ARL15: variants seen among roughly 807,000 people sequenced by gnomAD.
ARL15 encodes ADP-ribosylation factor-like protein 15.
A neutral mutation model predicts 25.2 loss-of-function variants in ARL15; 19 were observed. The observed-to-expected ratio is 0.75, with a 90% confidence interval of 0.53 to 1.10. The LOEUF (loss-of-function observed/expected upper bound fraction) is 1.10. ARL15 is among the 50% of genes least tolerant of loss of function. The pLI is 0.00. For synonymous variants in ARL15, 94 were observed against 86.8 expected (o/e 1.08, Z -0.46); for missense variants, 220 against 246.0 (o/e 0.89, Z 0.71).
At chr5:54,238,206 T>C (rs1756861612) in intron 1 of ARL15, among the ~76,000 whole-genome samples, 1 of 152,106 alleles carries the variant, frequency 6.6e-6, no homozygotes, top group South Asian at 2.1e-4. Flanking sequence ...ACCCAGTCAC[T>C]TAATTTTTCA....
chr5:53,916,731 T>A (rs556861621), intron 4 of ARL15, among the ~76,000 whole-genome samples: 2 of 152,064 alleles, frequency 1.3e-5, no homozygotes, highest in African/African-American at 4.8e-5. Context: ...AGATGATTGA[T>A]ACAGCCTCCA....
At chr5:54,224,656 G>C (rs146257404) in intron 1 of ARL15, among the ~76,000 whole-genome samples, 212 of 152,274 alleles carry the variant, frequency 1.4e-3, no homozygotes, top group African/African-American at 4.9e-3. Flanking sequence ...GTGTAAAAAT[G>C]ATAGTTGTCA....
chr5:54,228,134 G>A (rs1299325813), intron 1 of ARL15, among the ~76,000 whole-genome samples: 1 of 152,122 alleles, frequency 6.6e-6, no homozygotes, highest in Non-Finnish European at 1.5e-5. Flanking sequence ...AAGGTCACCT[G>A]GTGCCAAACA....
rs533072499 is a variant in ARL15 at position 54,022,097 on chromosome 5, CAG to C, written c.462+91103_462+91104del. 1.1e-3 allele frequency among the ~76,000 whole-genome samples: 169 copies of C among 152,132 alleles called. 1 individual carries two copies. Among genetic ancestry groups the C allele is most frequent in the African/African-American group, 4.0e-3 (165 of 41,504 alleles). On this transcript the variant is annotated intron_variant, in intron 4 of 4. Coordinates refer to ENST00000504924, the MANE Select transcript of ARL15 (RefSeq NM_019087.3). ...AGACATACTCAGACGAAGGGAAACTCAGAGAATTTGTCACTGGCAGACCTACC... is the reference window on the plus strand; with the variant it reads ...AGACATACTCAGACGAAGGGAAACTCAGAATTTGTCACTGGCAGACCTACC...
chr5:53,909,949 C>T (rs769281003), intron 4 of ARL15, among the ~76,000 whole-genome samples: 2 of 152,212 alleles, frequency 1.3e-5, no homozygotes, highest in African/African-American at 2.4e-5. Context: ...AATATAGTTG[C>T]TTTTTAACCA....
At chr5:53,968,863 T>TA (rs1747649571) in intron 4 of ARL15, among the ~76,000 whole-genome samples, 1 of 151,734 alleles carries the variant, frequency 6.6e-6, no homozygotes, top group Admixed American at 6.6e-5. Flanking sequence ...TTATATCTTT[T>TA]AAAATACGCA....
chr5:54,143,669 T>C (rs1022167706), intron 3 of ARL15, among the ~76,000 whole-genome samples: 3 of 152,074 alleles, frequency 2.0e-5, no homozygotes, highest in Non-Finnish European at 4.4e-5. Flanking sequence ...TCAAATATTC[T>C]TTGCTTTTTG....
chr5:54,211,573 C>T (rs570874045), intron 1 of ARL15, among the ~76,000 whole-genome samples: 13 of 147,096 alleles, frequency 8.8e-5, no homozygotes, highest in East Asian at 2.0e-4. Context: ...CAGGTTCAAG[C>T]GATTCTCCTG....
chr5:53,962,420 T>G (rs1026338448), intron 4 of ARL15, among the ~76,000 whole-genome samples: 1 of 152,162 alleles, frequency 6.6e-6, no homozygotes, highest in African/African-American at 2.4e-5. Flanking sequence ...TCATAGTCAT[T>G]GCTATAGAAT....
intron 4 of ARL15, among the ~76,000 whole-genome samples, chr5:53,923,517 C>T (rs551737468): frequency 4.0e-4 from 61 of 152,176 alleles, no homozygotes; most frequent in African/African-American, 1.4e-3. Flanking sequence ...TTGTCAAATG[C>T]ACAAAGCTTT....
chr5:54,196,735 A>T (rs1288510099), intron 1 of ARL15, among the ~76,000 whole-genome samples: 1 of 152,132 alleles, frequency 6.6e-6, no homozygotes, highest in Admixed American at 6.6e-5. Flanking sequence ...TTAATTATTA[A>T]AATATAAAAC....
chr5:54,172,158 C>G (rs1164102260), intron 1 of ARL15, among the ~76,000 whole-genome samples: 1 of 152,132 alleles, frequency 6.6e-6, no homozygotes, highest in Non-Finnish European at 1.5e-5. Flanking sequence ...GCCTCCCTTC[C>G]TGCTATGGCA....
At chr5:53,939,352 G>A (rs1161245878) in intron 4 of ARL15, among the ~76,000 whole-genome samples, 1 of 152,088 alleles carries the variant, frequency 6.6e-6, no homozygotes, top group Non-Finnish European at 1.5e-5. Flanking sequence ...TGACATTACT[G>A]TTTGTTATAA....
intron 4 of ARL15, among the ~76,000 whole-genome samples, chr5:53,979,363 T>C (rs1343518519): frequency 1.3e-5 from 2 of 151,906 alleles, no homozygotes; most frequent in Non-Finnish European, 2.9e-5. Context: ...TGAGACCTCA[T>C]CTCTACAAAA....
chr5:54,113,021 A>G, intron 4 of ARL15, 181 bp downstream of exon 4: 1 of 595,686 alleles, frequency 1.7e-6, no homozygotes, highest in Non-Finnish European at 2.9e-6. Flanking sequence ...AAGTAGGGTT[A>G]GGTATGTAAA....
chr5:54,230,784 T>C (rs1203662868), intron 1 of ARL15, among the ~76,000 whole-genome samples: 1 of 152,212 alleles, frequency 6.6e-6, no homozygotes, highest in Non-Finnish European at 1.5e-5. Flanking sequence ...GATCCCAGTA[T>C]AATAAATTAC....
chr5:54,300,236 G>A (rs1329849897), intron 1 of ARL15, among the ~76,000 whole-genome samples: 2 of 152,178 alleles, frequency 1.3e-5, no homozygotes, highest in Non-Finnish European at 2.9e-5. Context: ...TGAGGATTGG[G>A]TAGAAAAGAC....
At chr5:53,931,785 C>A (rs1746202215) in intron 4 of ARL15, among the ~76,000 whole-genome samples, 1 of 152,188 alleles carries the variant, frequency 6.6e-6, no homozygotes, top group African/African-American at 2.4e-5. Flanking sequence ...TTACTTTAGC[C>A]CACAAGCCTC....
Position 54,163,355 on chromosome 5 carries a change from G to GTTTTTTTTTTTTTTTTTTTTTTTT in ARL15, c.193+8428_193+8429insAAAAAAAAAAAAAAAAAAAAAAAA, listed in dbSNP as rs1754465268. Among the ~76,000 whole-genome samples, 126 of 51,340 alleles carry GTTTTTTTTTTTTTTTTTTTTTTTT rather than the reference G, an allele frequency of 2.5e-3. 54 individuals carry two copies. Among genetic ancestry groups the GTTTTTTTTTTTTTTTTTTTTTTTT allele is most frequent in the Middle Eastern group, 0.022 (2 of 90 alleles). The allele number at this position is 51,340 out of a possible 152,430, so 33.7% of individuals were successfully genotyped here. A position where few individuals can be genotyped will look rare whatever the true frequency, so the allele number is the denominator to read the frequency against. ...TGTCCATGAGGGCTATTGGTATGAAGCTTTTTTTTTTTTTTTTTTTTTTTT... is the reference window on the plus strand; with the variant it reads ...TGTCCATGAGGGCTATTGGTATGAAGTTTTTTTTTTTTTTTTTTTTTTTTCTTTTTTTTTTTTTTTTTTTTTTTT... On this transcript the variant is annotated intron_variant, in intron 2 of 4. Transcript: ENST00000504924.
Sources: gnomAD v4.1 joint callset for allele counts (sites outside exome capture counted in the v4.1 genomes callset) on GRCh38, gnomAD v4.1.1 for gene constraint, MANE v1.5 for transcripts, NCBI Gene and HGNC (gene_info 2026-07-23, HGNC 2026-07-21) for gene names.